Variants in DPP10 observed in about 807,000 individuals in gnomAD.
DPP10 encodes the protein dipeptidyl peptidase like 10.
A neutral mutation model predicts 120.9 loss-of-function variants in DPP10; 33 were observed. That is an observed-to-expected ratio of 0.27 (90% CI 0.21 to 0.37). The LOEUF is 0.37. Ranked by LOEUF, DPP10 falls within the 10% of genes least tolerant of loss-of-function variation. The pLI, the probability that DPP10 is intolerant of heterozygous loss-of-function variation, is 1.00. For missense variants in DPP10, 816 were observed against 942.8 expected (o/e 0.87, Z 1.76); for synonymous variants, 337 against 326.1 (o/e 1.03, Z -0.36).
intron 4 of DPP10, among the ~76,000 whole-genome samples, chr2:115,507,624 A>G (rs553432581): frequency 1.9e-4 from 29 of 152,294 alleles, no homozygotes; most frequent in Admixed American, 6.5e-4. Context: ...TGGGTAGAGA[A>G]TGGTACAAGA....
chr2:115,465,821 C>A (rs1341217118), intron 3 of DPP10, among the ~76,000 whole-genome samples: 1 of 41,786 alleles, frequency 2.4e-5, no homozygotes, highest in Non-Finnish European at 2.2e-4. Flanking sequence ...GGCTTCATCT[C>A]AAAAAATAAT....
At chr2:114,569,442 C>A (rs1253818352) in intron 1 of DPP10, among the ~76,000 whole-genome samples, 2 of 146,074 alleles carry the variant, frequency 1.4e-5, no homozygotes, top group Admixed American at 6.7e-5. Flanking sequence ...TCTGAACAAG[C>A]AAATGTGCTT....
chr2:115,250,168 A>G (rs992308358), intron 1 of DPP10, among the ~76,000 whole-genome samples: 4 of 152,000 alleles, frequency 2.6e-5, no homozygotes, highest in African/African-American at 9.7e-5. Flanking sequence ...GATCTTTTTC[A>G]TATAAACTTT....
intron 1 of DPP10, among the ~76,000 whole-genome samples, chr2:114,858,189 C>A (rs1369176431): frequency 6.6e-6 from 1 of 152,056 alleles, no homozygotes; most frequent in African/African-American, 2.4e-5. Flanking sequence ...AGGGTTTCAC[C>A]GTGTTGCCCA....
chr2:115,449,591 T>G (rs1428744420), intron 3 of DPP10, among the ~76,000 whole-genome samples: 1 of 152,096 alleles, frequency 6.6e-6, no homozygotes, highest in Non-Finnish European at 1.5e-5. Context: ...TTTAGGATCC[T>G]GTAATGAACA....
chr2:114,631,264 C>T (rs1694901662), intron 1 of DPP10, among the ~76,000 whole-genome samples: 1 of 152,004 alleles, frequency 6.6e-6, no homozygotes, highest in South Asian at 2.1e-4. Context: ...AAGTAAGATG[C>T]TGGAGTTTCC....
chr2:115,570,362 T>C (rs928120617), intron 5 of DPP10, among the ~76,000 whole-genome samples: 7 of 152,220 alleles, frequency 4.6e-5, no homozygotes, highest in African/African-American at 7.2e-5. Flanking sequence ...TTAATCACCC[T>C]AACAGTTTTA....
At chr2:115,499,334 G>T (rs113045589) in intron 3 of DPP10, among the ~76,000 whole-genome samples, 176 bp from the exon 4 acceptor site, 9 of 152,022 alleles carry the variant, frequency 5.9e-5, no homozygotes, top group African/African-American at 1.9e-4. Flanking sequence ...CATGTGTTAG[G>T]CGGGCTTCCT....
At chr2:115,067,007 A>G (rs1246340364) in intron 1 of DPP10, among the ~76,000 whole-genome samples, 1 of 152,162 alleles carries the variant, frequency 6.6e-6, no homozygotes, top group East Asian at 1.9e-4. Flanking sequence ...GATTTCCAAA[A>G]CTAATTCATT....
intron 1 of DPP10, among the ~76,000 whole-genome samples, chr2:114,928,540 T>C (rs2104480559): frequency 6.6e-6 from 1 of 152,220 alleles, no homozygotes; most frequent in Non-Finnish European, 1.5e-5. Context: ...CTGGGTGCAA[T>C]CCCCCTGGCT....
At chr2:115,383,035 A>G (rs1472379503) in intron 3 of DPP10, among the ~76,000 whole-genome samples, 1 of 152,248 alleles carries the variant, frequency 6.6e-6, no homozygotes, top group Non-Finnish European at 1.5e-5. Context: ...TATCTTCAAG[A>G]AGTGTTCCAG....
intron 1 of DPP10, among the ~76,000 whole-genome samples, chr2:114,889,803 T>A (rs1692393426): frequency 6.6e-6 from 1 of 152,196 alleles, no homozygotes; most frequent in Admixed American, 6.5e-5. Context: ...CACGATTCAA[T>A]CCCTTTTTCT....
At chr2:114,499,532 A>G (rs1389073871) in intron 1 of DPP10, among the ~76,000 whole-genome samples, 1 of 151,030 alleles carries the variant, frequency 6.6e-6, no homozygotes, top group Non-Finnish European at 1.5e-5. Context: ...GGACTGCGCC[A>G]TCTCCCAATA....
chr2:114,450,814 T>C lies in DPP10; in HGVS notation c.60+7976T>C, dbSNP rs568932911. On this transcript the variant is annotated intron_variant, in intron 1 of 25. Transcript: ENST00000410059. ...CAAACAGAGACAACCCCTGTTGTTC[T>C]TCTTTGGAGCTTGCATTAGTATAGC... Among the ~76,000 whole-genome samples the C allele has an allele frequency of 3.9e-5, 6 of 152,240 alleles. No homozygotes were observed. In the East Asian group the frequency reaches 1.2e-3, roughly 29 times the overall value.
chr2:115,504,156 G>A (rs2076826449), intron 4 of DPP10, among the ~76,000 whole-genome samples: 2 of 151,840 alleles, frequency 1.3e-5, no homozygotes, highest in South Asian at 4.1e-4. Flanking sequence ...CCTCTCTTGT[G>A]TGTATTGCTG....
intron 1 of DPP10, among the ~76,000 whole-genome samples, chr2:115,255,325 C>G (rs74511633): frequency 6.6e-4 from 100 of 152,114 alleles, no homozygotes; most frequent in Non-Finnish European, 1.3e-3. Context: ...GACAGAGCGC[C>G]GAGACCCTAT....
Position 115,499,575 on chromosome 2 carries a change from A to G in DPP10, c.337A>G (p.Thr113Ala). 1 of 1,611,646 alleles carries G rather than the reference A, an allele frequency of 6.2e-7. No homozygotes were observed. Among genetic ancestry groups the G allele is most frequent in the Non-Finnish European group, 8.5e-7 (1 of 1,178,506 alleles). The part of the protein sequence containing the change: ...VIKLNIETNA[T>A]TLLLENTTFV... ...TAAACTGAATATAGAAACAAATGCT[A>G]CCACATTATTATTGGAAAACACAAC... is the stretch of plus-strand genomic sequence containing the variant. The change falls in exon 4 of 26, where the codon ACC becomes GCC. Residue 113 changes from threonine (T) to alanine (A), a missense_variant. This residue lies in a region of DPP10 where 182 missense variants were observed against 207.4 expected (regional missense o/e 0.88). Transcript: ENST00000410059.
At chr2:115,034,729 C>A (rs4849374) in intron 1 of DPP10, among the ~76,000 whole-genome samples, 147,439 of 152,304 alleles carry the variant, frequency 0.97, 71,571 homozygotes, top group Middle Eastern at 1. Context: ...CCATTGACTT[C>A]TCACTCTTCC....
At chr2:115,569,302 G>A (rs1290837128) in intron 5 of DPP10, among the ~76,000 whole-genome samples, 3 of 152,150 alleles carry the variant, frequency 2.0e-5, no homozygotes, top group African/African-American at 7.2e-5. Context: ...ATATAATACT[G>A]CATCCTAAGC....
Sources: allele counts gnomAD v4.1 joint callset (sites outside exome capture counted in the v4.1 genomes callset), GRCh38; gene constraint gnomAD v4.1.1; regional missense constraint gnomAD v4.1.1; transcripts MANE v1.5; gene names NCBI Gene and HGNC (gene_info 2026-07-23, HGNC 2026-07-21).